PRKN: variants seen among roughly 807,000 people sequenced by gnomAD.
The protein encoded by PRKN is E3 ubiquitin-protein ligase parkin.
In PRKN, 56 loss-of-function variants were observed where a neutral mutation model predicts 59.5. That is an observed-to-expected ratio of 0.94 (90% confidence interval 0.76 to 1.18). The LOEUF (loss-of-function observed/expected upper bound fraction) is 1.18. PRKN is among the 50% of genes most tolerant of loss of function. PRKN has a pLI of 0.00. For missense variants in PRKN, 657 were observed against 596.4 expected (o/e 1.10, Z -1.06); for synonymous variants, 250 against 222.1 (o/e 1.13, Z -1.12).
At chr6:161,469,560 A>AGAGATT (rs1554264009) in intron 9 of PRKN, among the ~76,000 whole-genome samples, 1 of 151,578 alleles carries the variant, frequency 6.6e-6, no homozygotes, top group African/African-American at 2.4e-5. Context: ...AGAGAGAGAG[A>AGAGATT]GAGAGAGAGA....
In PRKN at chr6:162,464,080, G is replaced by C. The variant is rs140878134; in HGVS notation, c.8-20607C>G. Among the ~76,000 whole-genome samples the C allele has an allele frequency of 5.8e-3, 888 of 152,204 alleles. 9 individuals carry two copies. The highest frequency in any genetic ancestry group is 0.016 in the South Asian group (79 of 4,814). On this transcript the variant is annotated intron_variant, in intron 1 of 11. Coordinates refer to ENST00000366898, the MANE Select transcript of PRKN (RefSeq NM_004562.3). ...GAGGTGACGTTTAAGCTTTGTAAAT[G>C]CTTATACATAACAAGTACTTTCAAC...
intron 1 of PRKN, among the ~76,000 whole-genome samples, chr6:162,495,340 A>T (rs1422688656): frequency 6.6e-6 from 1 of 152,220 alleles, no homozygotes; most frequent in Non-Finnish European, 1.5e-5. Flanking sequence ...AAGAAACCTC[A>T]GGCTTTCTGA....
intron 4 of PRKN, among the ~76,000 whole-genome samples, chr6:162,176,400 A>G (rs149345247): frequency 1.4e-3 from 206 of 152,346 alleles, no homozygotes; most frequent in Non-Finnish European, 2.5e-3. Context: ...ATAATACCAA[A>G]TAATAGAGGA....
chr6:162,352,027 T>C (rs1784647186), intron 2 of PRKN, among the ~76,000 whole-genome samples: 2 of 152,166 alleles, frequency 1.3e-5, no homozygotes, highest in Admixed American at 1.3e-4. Flanking sequence ...GTGCTACTTA[T>C]TCTAACATAC....
chr6:161,534,043 G>A (rs1779321389), intron 9 of PRKN, among the ~76,000 whole-genome samples: 1 of 151,834 alleles, frequency 6.6e-6, no homozygotes, highest in Admixed American at 6.6e-5. Flanking sequence ...ATCTGATCAT[G>A]TCACTTCCCC....
intron 2 of PRKN, among the ~76,000 whole-genome samples, chr6:162,414,013 C>T (rs1204753729): frequency 1.3e-5 from 2 of 152,006 alleles, no homozygotes; most frequent in Non-Finnish European, 2.9e-5. Flanking sequence ...GAAATCCTGT[C>T]TCTACTAAAA....
intron 2 of PRKN, among the ~76,000 whole-genome samples, chr6:162,381,114 C>T (rs2128140833): frequency 1.3e-5 from 2 of 152,238 alleles, no homozygotes; most frequent in East Asian, 3.9e-4. Context: ...GATTCCCCAC[C>T]TTGAAGTCCT....
At chr6:161,384,508 A>T (rs1583002234) in intron 10 of PRKN, among the ~76,000 whole-genome samples, 1 of 152,192 alleles carries the variant, frequency 6.6e-6, no homozygotes, top group African/African-American at 2.4e-5. Context: ...ATACCACTGC[A>T]CCCCAGCCTG....
At chr6:162,049,712 C>T (rs530559815) in intron 5 of PRKN, among the ~76,000 whole-genome samples, 1 of 152,252 alleles carries the variant, frequency 6.6e-6, no homozygotes, top group East Asian at 1.9e-4. Context: ...AACATTGACT[C>T]AGTGATTTGA....
At chr6:161,992,522 G>A (rs1299135951) in intron 5 of PRKN, among the ~76,000 whole-genome samples, 2 of 152,146 alleles carry the variant, frequency 1.3e-5, no homozygotes, top group African/African-American at 4.8e-5. Context: ...GGGCTTCAAT[G>A]CCCCTATTTC....
At chr6:162,223,513 A>C (rs1464256242) in intron 3 of PRKN, among the ~76,000 whole-genome samples, 1 of 151,868 alleles carries the variant, frequency 6.6e-6, no homozygotes, top group South Asian at 2.1e-4. Flanking sequence ...GGGATGAAGA[A>C]TTCTACAGGC....
chr6:162,295,446 ATAC>A (rs1781627857), intron 2 of PRKN, among the ~76,000 whole-genome samples: 1 of 152,164 alleles, frequency 6.6e-6, no homozygotes, highest in Non-Finnish European at 1.5e-5. Context: ...CTGTGGTCTG[ATAC>A]CACGTAAGGC....
chr6:162,510,639 C>T (rs572833792), intron 1 of PRKN, among the ~76,000 whole-genome samples: 15 of 152,204 alleles, frequency 9.9e-5, no homozygotes, highest in Middle Eastern at 6.8e-3. Flanking sequence ...ATTTATACTG[C>T]AGGTCATGCA....
At chr6:161,585,428 T>G (rs1781486631) in intron 7 of PRKN, among the ~76,000 whole-genome samples, 1 of 152,172 alleles carries the variant, frequency 6.6e-6, no homozygotes, top group Non-Finnish European at 1.5e-5. Context: ...AGATGAGCTC[T>G]TAGAAAACAG....
chr6:161,713,401 C>T (rs980855728), intron 7 of PRKN, among the ~76,000 whole-genome samples: 3 of 152,170 alleles, frequency 2.0e-5, no homozygotes, highest in African/African-American at 7.2e-5. Flanking sequence ...CTCTAATCTT[C>T]AAATTACTTG....
chr6:162,654,445 G>A (rs181824771), intron 1 of PRKN, among the ~76,000 whole-genome samples: 4 of 152,272 alleles, frequency 2.6e-5, no homozygotes, highest in African/African-American at 7.2e-5. Context: ...TGAGGAGCCC[G>A]AGTTCCCAAC....
intron 1 of PRKN, among the ~76,000 whole-genome samples, chr6:162,584,764 T>C (rs1051498070): frequency 2.9e-5 from 4 of 137,744 alleles, no homozygotes; most frequent in Admixed American, 7.3e-5. Flanking sequence ...CTTTTCTTTC[T>C]CTTTTCTTTT....
chr6:162,562,328 G>T (rs1354779683), intron 1 of PRKN, among the ~76,000 whole-genome samples: 1 of 152,110 alleles, frequency 6.6e-6, no homozygotes, highest in Non-Finnish European at 1.5e-5. Context: ...CTTGGGTGAG[G>T]CTCTGGGACA....
chr6:161,656,379 A>C (rs1003707579), intron 7 of PRKN, among the ~76,000 whole-genome samples: 2 of 152,056 alleles, frequency 1.3e-5, no homozygotes, highest in African/African-American at 4.8e-5. Context: ...GATAGGCTTC[A>C]CTGGCTTTGA....
Sources: allele counts gnomAD v4.1 joint callset (sites outside exome capture counted in the v4.1 genomes callset), GRCh38; gene constraint gnomAD v4.1.1; transcripts MANE v1.5; gene names NCBI Gene and HGNC (gene_info 2026-07-23, HGNC 2026-07-21).